KCNIP4: variants seen among roughly 807,000 people sequenced by gnomAD.
KCNIP4 encodes potassium voltage-gated channel interacting protein 4, also known as Kv channel-interacting protein 4.
Under a neutral mutation model 34.0 loss-of-function variants are expected in KCNIP4, and 12 were observed. That is an observed-to-expected ratio of 0.35 (90% confidence interval 0.23 to 0.57). The LOEUF (loss-of-function observed/expected upper bound fraction) is 0.57, where lower values mean the gene tolerates loss of function less well. KCNIP4 is among the 20% of genes least tolerant of loss of function. The pLI is 0.83. For missense variants in KCNIP4, 238 were observed against 311.7 expected (o/e 0.76, Z 1.78); for synonymous variants, 124 against 102.2 (o/e 1.21, Z -1.29).
At chr4:21,660,911 C>T (rs1466021967) in intron 1 of KCNIP4, among the ~76,000 whole-genome samples, 1 of 152,168 alleles carries the variant, frequency 6.6e-6, no homozygotes, top group Non-Finnish European at 1.5e-5. Flanking sequence ...AGGCCCCACC[C>T]TCAAGCCTGG....
At chr4:21,210,599 A>T (rs994122809) in intron 1 of KCNIP4, among the ~76,000 whole-genome samples, 19 of 152,318 alleles carry the variant, frequency 1.2e-4, no homozygotes, top group African/African-American at 4.6e-4. Flanking sequence ...GGATAAACAA[A>T]AAAAATCAAT....
chr4:21,946,996 G>T (rs1229910806), intron 1 of KCNIP4, among the ~76,000 whole-genome samples: 2 of 152,186 alleles, frequency 1.3e-5, no homozygotes, highest in Non-Finnish European at 2.9e-5. Context: ...TGGAAGAACA[G>T]GTACAGTCAA....
chr4:21,398,025 G>C (rs1221045863), intron 1 of KCNIP4, among the ~76,000 whole-genome samples: 1 of 152,234 alleles, frequency 6.6e-6, no homozygotes, highest in Non-Finnish European at 1.5e-5. Flanking sequence ...TGGGGACATA[G>C]CTGAATGAGG....
At chr4:21,447,732 T>C (rs1001236288) in intron 1 of KCNIP4, among the ~76,000 whole-genome samples, 1 of 152,190 alleles carries the variant, frequency 6.6e-6, no homozygotes, top group Admixed American at 6.5e-5. Context: ...TCTCTGTCTT[T>C]CTCAAAATAT....
chr4:21,821,843 A>G (rs1722371418), intron 1 of KCNIP4, among the ~76,000 whole-genome samples: 1 of 152,180 alleles, frequency 6.6e-6, no homozygotes, highest in African/African-American at 2.4e-5. Flanking sequence ...AGCCTCTTAT[A>G]AAATGTCACA....
intron 1 of KCNIP4, among the ~76,000 whole-genome samples, chr4:20,969,113 A>G (rs1734671820): frequency 6.6e-6 from 1 of 152,186 alleles, no homozygotes; most frequent in Admixed American, 6.5e-5. Context: ...TTCATCTGGT[A>G]CAAAAGTATG....
intron 3 of KCNIP4, among the ~76,000 whole-genome samples, chr4:20,804,573 A>T (rs1445698097): frequency 9.3e-6 from 1 of 108,082 alleles, no homozygotes; most frequent in African/African-American, 3.3e-5. Context: ...TCCTTCTCAA[A>T]ATCTTTTTCT....
chr4:20,844,642 A>T (rs997037414), intron 3 of KCNIP4, among the ~76,000 whole-genome samples: 3 of 152,198 alleles, frequency 2.0e-5, no homozygotes, highest in Non-Finnish European at 2.9e-5. Flanking sequence ...ACTGTTTCCC[A>T]TGCAAAGTTT....
chr4:20,954,145 A>C (rs796955335), intron 1 of KCNIP4, among the ~76,000 whole-genome samples: 4 of 152,336 alleles, frequency 2.6e-5, no homozygotes, highest in African/African-American at 9.6e-5. Context: ...ACAAGAGCTC[A>C]TGATCAAAAA....
intron 1 of KCNIP4, among the ~76,000 whole-genome samples, chr4:21,712,699 C>A (rs992496322): frequency 1.3e-5 from 2 of 152,048 alleles, no homozygotes; most frequent in African/African-American, 4.8e-5. Flanking sequence ...CACGTTTACT[C>A]CGGCACCTAT....
At chr4:21,307,967 A>G (rs1212657575) in intron 1 of KCNIP4, among the ~76,000 whole-genome samples, 2 of 152,236 alleles carry the variant, frequency 1.3e-5, no homozygotes, top group Non-Finnish European at 2.9e-5. Flanking sequence ...GGTGTGGATG[A>G]TAAGTACCTT....
At chr4:21,943,727 A>G (rs1295121588) in intron 1 of KCNIP4, among the ~76,000 whole-genome samples, 1 of 152,044 alleles carries the variant, frequency 6.6e-6, no homozygotes, top group Non-Finnish European at 1.5e-5. Context: ...TGTGCAGGAG[A>G]ATCTATGACT....
chr4:21,419,880 T>A (rs1012811922), intron 1 of KCNIP4, among the ~76,000 whole-genome samples: 1 of 152,132 alleles, frequency 6.6e-6, no homozygotes, highest in Non-Finnish European at 1.5e-5. Flanking sequence ...AGCTGTTAGA[T>A]TTGGGCAGAG....
chr4:21,672,915 G>A (rs1276218439), intron 1 of KCNIP4, among the ~76,000 whole-genome samples: 5 of 152,202 alleles, frequency 3.3e-5, no homozygotes, highest in African/African-American at 9.7e-5. Context: ...GACTGTTGGC[G>A]GGAGGCCTCA....
intron 1 of KCNIP4, among the ~76,000 whole-genome samples, chr4:21,616,599 T>G (rs183655647): frequency 7.9e-5 from 12 of 152,240 alleles, no homozygotes; most frequent in Non-Finnish European, 1.8e-4. Flanking sequence ...GACCAAACTT[T>G]CTCTGAAATC....
intron 1 of KCNIP4, among the ~76,000 whole-genome samples, chr4:20,943,227 G>A (rs1427307284): frequency 6.6e-6 from 1 of 152,104 alleles, no homozygotes; most frequent in African/African-American, 2.4e-5. Context: ...ATGCTATAAT[G>A]GTCTCTGTTC....
chr4:21,617,396 A>C (rs1744680538), intron 1 of KCNIP4, among the ~76,000 whole-genome samples: 1 of 152,020 alleles, frequency 6.6e-6, no homozygotes, highest in Non-Finnish European at 1.5e-5. Context: ...GAGGAAAAAC[A>C]CCTCTTTGTG....
At chr4:21,917,308 T>C (rs906038910) in intron 1 of KCNIP4, among the ~76,000 whole-genome samples, 2 of 152,040 alleles carry the variant, frequency 1.3e-5, no homozygotes, top group African/African-American at 4.8e-5. Context: ...CTAATTTTTT[T>C]GTATTTTTAA....
chr4:20,805,895 G>A (rs1715014943), intron 3 of KCNIP4, among the ~76,000 whole-genome samples: 1 of 152,086 alleles, frequency 6.6e-6, no homozygotes, highest in Admixed American at 6.6e-5. Flanking sequence ...TGTTCTTGAA[G>A]TCATGTAAAT....
Sources: gnomAD v4.1 joint callset for allele counts (sites outside exome capture counted in the v4.1 genomes callset) on GRCh38, gnomAD v4.1.1 for gene constraint, MANE v1.5 for transcripts, NCBI Gene and HGNC (gene_info 2026-07-23, HGNC 2026-07-21) for gene names.